The following IL1RAPL2 variants were observed in gnomAD, a reference collection of about 807,000 sequenced individuals.
IL1RAPL2 encodes the protein interleukin 1 receptor accessory protein like 2.
Under a neutral mutation model 44.1 loss-of-function variants are expected in IL1RAPL2, and 3 were observed. That is an observed-to-expected ratio of 0.07 (90% CI 0.03 to 0.18). The LOEUF is 0.18. Among genes scored for constraint, IL1RAPL2 ranks in the 10% least tolerant of loss-of-function variants. The pLI is 1.00. For synonymous variants in IL1RAPL2, 181 were observed against 178.8 expected, an observed-to-expected ratio of 1.01 and a Z score of -0.10; for missense variants, 391 against 496.4, an observed-to-expected ratio of 0.79 and a Z score of 2.02.
chrX:105,298,817 G>T (rs769282170), intron 5 of IL1RAPL2, among the ~76,000 whole-genome samples: 1 of 111,234 alleles, frequency 9.0e-6, no homozygotes, highest in African/African-American at 3.3e-5. Context: ...GAAGCCAAAA[G>T]AAGATACTGT....
chrX:105,096,708 A>T (rs942634326), intron 2 of IL1RAPL2, among the ~76,000 whole-genome samples: 1 of 111,609 alleles, frequency 9.0e-6, no homozygotes, highest in Non-Finnish European at 1.9e-5. Context: ...ATGGGCTGCG[A>T]CTATTTAATG....
chrX:104,977,969 C>T (rs1406099151), intron 2 of IL1RAPL2, among the ~76,000 whole-genome samples: 4 of 111,841 alleles, frequency 3.6e-5, no homozygotes, highest in African/African-American at 1.3e-4. Flanking sequence ...CAGTGGTAAA[C>T]TGACATGGCA....
intron 2 of IL1RAPL2, among the ~76,000 whole-genome samples, chrX:104,958,530 A>G (rs2029944954): frequency 9.8e-6 from 1 of 101,549 alleles, no homozygotes; most frequent in Non-Finnish European, 2.0e-5. Context: ...ACCTGACCAC[A>G]GAAGCAGGGC....
intron 4 of IL1RAPL2, among the ~76,000 whole-genome samples, chrX:105,245,713 T>C (rs1183623819): frequency 8.9e-6 from 1 of 112,581 alleles, no homozygotes; most frequent in African/African-American, 3.2e-5. Flanking sequence ...CACAGAAATG[T>C]GGAGTCATTT....
At chrX:105,133,154 T>A (rs2033044110) in intron 2 of IL1RAPL2, among the ~76,000 whole-genome samples, 1 of 112,058 alleles carries the variant, frequency 8.9e-6, no homozygotes, top group Admixed American at 9.5e-5. Context: ...ATAGATTTCA[T>A]TTTTCTCAGT....
chrX:104,602,956 C>T (rs1284543244), intron 1 of IL1RAPL2, among the ~76,000 whole-genome samples: 1 of 111,650 alleles, frequency 9.0e-6, no homozygotes, highest in Non-Finnish European at 1.9e-5. Context: ...GTGGACCTCC[C>T]AGCACAGTGT....
chrX:104,933,245 G>A (rs950887097), intron 2 of IL1RAPL2, among the ~76,000 whole-genome samples: 1 of 110,881 alleles, frequency 9.0e-6, no homozygotes, highest in African/African-American at 3.3e-5. Flanking sequence ...TTGTGCGCAT[G>A]TACCCTAGAA....
intron 2 of IL1RAPL2, among the ~76,000 whole-genome samples, chrX:104,862,480 G>T (rs917275359): frequency 4.5e-5 from 5 of 110,105 alleles, no homozygotes; most frequent in Non-Finnish European, 1.9e-5. Flanking sequence ...AAGAAGAGAA[G>T]ATTAGGACAC....
intron 6 of IL1RAPL2, among the ~76,000 whole-genome samples, chrX:105,590,056 C>T (rs2037157230): frequency 9.0e-6 from 1 of 111,387 alleles, no homozygotes; most frequent in Non-Finnish European, 1.9e-5. Context: ...TTTCTTTGAG[C>T]AGTGTTTTAT....
At chrX:104,828,240 T>C (rs999425684) in intron 2 of IL1RAPL2, among the ~76,000 whole-genome samples, 1 of 112,585 alleles carries the variant, frequency 8.9e-6, no homozygotes, top group Non-Finnish European at 1.9e-5. Flanking sequence ...CTTTTTGTGC[T>C]GGCTTTTCCT....
rs148439336 is a variant in IL1RAPL2, at chrX:104,911,641, A to G, written c.82+252646A>G. Among the ~76,000 whole-genome samples, 99 of 111,736 alleles carry G rather than the reference A, an allele frequency of 8.9e-4. 2 individuals carry two copies. Among genetic ancestry groups the G allele is most frequent in the African/African-American group, 3.0e-3 (93 of 30,742 alleles). On this transcript the variant is annotated intron_variant, in intron 2 of 10. Coordinates refer to ENST00000372582, the MANE Select transcript of IL1RAPL2 (RefSeq NM_017416.2). Reference sequence around the variant, plus strand: ...GCAGTACTTTTAAAATGTAAATCAGATGATGTCGTTCCTGCATCAAAATTC... The same window carrying G: ...GCAGTACTTTTAAAATGTAAATCAGGTGATGTCGTTCCTGCATCAAAATTC...
chrX:105,358,978 A>T (rs1254476321), intron 5 of IL1RAPL2, among the ~76,000 whole-genome samples: 1 of 111,939 alleles, frequency 8.9e-6, no homozygotes, highest in Non-Finnish European at 1.9e-5. Context: ...TCTCTGGATG[A>T]TTATCCCAAA....
At chrX:105,088,126 T>C (rs1226412108) in intron 2 of IL1RAPL2, among the ~76,000 whole-genome samples, 1 of 112,069 alleles carries the variant, frequency 8.9e-6, no homozygotes, top group Admixed American at 9.5e-5. Flanking sequence ...AAGGATACTA[T>C]GTAAATCATA....
At chrX:105,692,384 T>C (rs751544344) in intron 6 of IL1RAPL2, among the ~76,000 whole-genome samples, 1 of 111,975 alleles carries the variant, frequency 8.9e-6, no homozygotes, top group East Asian at 2.8e-4. Flanking sequence ...AGATGTCAGC[T>C]AGCTATTTGG....
intron 2 of IL1RAPL2, among the ~76,000 whole-genome samples, chrX:104,954,743 C>T (rs1461266622): frequency 8.9e-6 from 1 of 112,127 alleles, no homozygotes; most frequent in Non-Finnish European, 1.9e-5. Flanking sequence ...AAGTGTAAGA[C>T]GGGTGGCCTA....
At chrX:105,761,220 TACACACAC>T (rs113089380) in intron 10 of IL1RAPL2, among the ~76,000 whole-genome samples, 33 of 84,128 alleles carry the variant, frequency 3.9e-4, no homozygotes, top group African/African-American at 1.1e-3. Context: ...ACTCTTCCTA[TACACACAC>T]ACACACACAC....
chrX:104,781,899 T>C (rs767262972), intron 2 of IL1RAPL2, among the ~76,000 whole-genome samples: 64 of 110,985 alleles, frequency 5.8e-4, no homozygotes, highest in African/African-American at 1.8e-3. Flanking sequence ...GTGGGGGCAT[T>C]TGAGAATTGA....
chrX:105,658,829 G>A (rs773859620), intron 6 of IL1RAPL2, among the ~76,000 whole-genome samples: 8 of 109,434 alleles, frequency 7.3e-5, no homozygotes, highest in African/African-American at 2.7e-4. Flanking sequence ...AGGCATGGTG[G>A]CACGTGCCTT....
intron 3 of IL1RAPL2, among the ~76,000 whole-genome samples, chrX:105,227,401 T>G: frequency 9.0e-6 from 1 of 111,672 alleles, no homozygotes; most frequent in East Asian, 2.8e-4. Context: ...TTTTGTTTTA[T>G]TTTAAAAAAA....
Sources: gnomAD v4.1 joint callset for allele counts (sites outside exome capture counted in the v4.1 genomes callset) on GRCh38, gnomAD v4.1.1 for gene constraint, MANE v1.5 for transcripts, NCBI Gene and HGNC (gene_info 2026-07-23, HGNC 2026-07-21) for gene names.